Variants in RSPRY1 observed in about 807,000 individuals in gnomAD.
The protein encoded by RSPRY1 is RING finger and SPRY domain-containing protein 1.
In RSPRY1, 23 loss-of-function variants were observed where a neutral mutation model predicts 73.1. The observed-to-expected ratio is 0.31, with a 90% CI of 0.23 to 0.45. The LOEUF is 0.45. Ranked by LOEUF, RSPRY1 falls within the 20% of genes least tolerant of loss-of-function variation. The pLI, the probability that RSPRY1 is intolerant of heterozygous loss-of-function variation, is 1.00. For missense variants in RSPRY1, 448 were observed against 698.7 expected (o/e 0.64, Z 4.05); for synonymous variants, 226 against 251.4 (o/e 0.90, Z 0.95).
At chr16:57,210,975 G>A (rs2074831983) in intron 4 of RSPRY1, among the ~76,000 whole-genome samples, 2 of 152,104 alleles carry the variant, frequency 1.3e-5, no homozygotes, top group Admixed American at 1.3e-4. Context: ...ACAAGATGGC[G>A]TTATTGCACT....
At position 57,227,470 on chromosome 16, in the gene RSPRY1, T is replaced by A; in HGVS notation, c.1273+17T>A. 6.4e-7 allele frequency: 1 copy of A among 1,554,694 alleles called. No individual in the cohort carries two copies. Among genetic ancestry groups the A allele is most frequent in the Non-Finnish European group, 8.9e-7 (1 of 1,126,294 alleles). ...GGAAAGAAGGTATTCATTCCCTCCA[T>A]TATAAATTTATCAAGTGGGTTAAGA... On this transcript the variant is annotated intron_variant, in intron 11 of 14. Coordinates refer to ENST00000394420, the MANE Select transcript of RSPRY1 (RefSeq NM_133368.3).
In RSPRY1 at chr16:57,221,286, C is replaced by G; in HGVS notation, c.1032C>G (p.Ala344=). 4 of 1,613,960 alleles carry G rather than the reference C, an allele frequency of 2.5e-6. No homozygotes were observed. The South Asian group carries it at 3.3e-5, about 13-fold the overall frequency. ...GGTTTTGCCAGGCTCGCTGTGATGCCTCCTCTTTTGAAAGTGTGCGTTGCA... is the reference window on the plus strand; with the variant it reads ...GGTTTTGCCAGGCTCGCTGTGATGCGTCCTCTTTTGAAAGTGTGCGTTGCA... ...SPHGLEARCD[A]SSFESVRCTF... is the part of the protein sequence containing the mutation. Residue 344 remains alanine, a synonymous_variant, in exon 10 of 15, where the codon GCC becomes GCG. Transcript: ENST00000394420.
At chr16:57,237,480 G>A (rs1212286399) in intron 14 of RSPRY1, among the ~76,000 whole-genome samples, 4 of 151,978 alleles carry the variant, frequency 2.6e-5, no homozygotes, top group Non-Finnish European at 5.9e-5. Flanking sequence ...TACTCAAATA[G>A]GCCAGAGGCA....
chr16:57,213,407 G>T (rs1207524835), intron 5 of RSPRY1, among the ~76,000 whole-genome samples: 1 of 152,196 alleles, frequency 6.6e-6, no homozygotes, highest in East Asian at 1.9e-4. Flanking sequence ...ATATGTATGT[G>T]TGTATACAAT....
chr16:57,210,771 A>T (rs914356854), intron 4 of RSPRY1, among the ~76,000 whole-genome samples: 6 of 152,048 alleles, frequency 3.9e-5, no homozygotes, highest in Non-Finnish European at 8.8e-5. Context: ...TAATCTCAAC[A>T]CTTTGGGAGG....
At chr16:57,233,475 G>A (rs1295926283) in intron 13 of RSPRY1, among the ~76,000 whole-genome samples, 3 of 151,974 alleles carry the variant, frequency 2.0e-5, no homozygotes, top group Non-Finnish European at 2.9e-5. Flanking sequence ...AGGCTCAAGC[G>A]ATCCTCCCAC....
intron 4 of RSPRY1, among the ~76,000 whole-genome samples, chr16:57,209,444 A>G (rs567047741): frequency 6.6e-6 from 1 of 151,132 alleles, no homozygotes; most frequent in Admixed American, 6.6e-5. Flanking sequence ...GCTCACTGCA[A>G]CCTCCGCCTC....
chr16:57,213,813 A>G, intron 5 of RSPRY1, 75 bp from the exon 6 acceptor site: 1 of 1,113,206 alleles, frequency 9.0e-7, no homozygotes, highest in Non-Finnish European at 1.4e-6. Flanking sequence ...TTCTACCAAA[A>G]CAATTTGATT....
In RSPRY1 at chr16:57,212,637, C is replaced by T. The variant is rs145153514; in HGVS notation, c.517-335C>T. On this transcript the variant is annotated intron_variant, in intron 4 of 14. Coordinates refer to ENST00000394420, the MANE Select transcript of RSPRY1 (RefSeq NM_133368.3). ...TATAGCTCCCCCCACCCCCCTGAGA[C>T]GGAGCCTTGCTCTGTCGTCCAGGCT... 4.8e-3 allele frequency among the ~76,000 whole-genome samples: 724 copies of T among 152,056 alleles called. 7 individuals carry two copies. Among genetic ancestry groups the T allele is most frequent in the African/African-American group, 0.016 (670 of 41,492 alleles).
chr16:57,201,636 G>A (rs1302736662), intron 1 of RSPRY1, among the ~76,000 whole-genome samples: 37 of 152,344 alleles, frequency 2.4e-4, no homozygotes, highest in African/African-American at 7.2e-4. Context: ...GTATCGAGCC[G>A]AGATCACGCC....
chr16:57,213,186 A>G (rs758087510), intron 5 of RSPRY1, 88 bp downstream of exon 5: 132 of 1,257,708 alleles, frequency 1.0e-4, no homozygotes, highest in Non-Finnish European at 1.3e-4. Context: ...TCAAACTGCT[A>G]TACCAGAAAG....
chr16:57,236,874 C>T (rs1003181639), intron 14 of RSPRY1, among the ~76,000 whole-genome samples: 10 of 152,054 alleles, frequency 6.6e-5, no homozygotes, highest in African/African-American at 1.4e-4. Context: ...GGTACAATTA[C>T]AGAAATCTTA....
chr16:57,220,476 T>C (rs962051903), intron 8 of RSPRY1: 1 of 234,674 alleles, frequency 4.3e-6, no homozygotes, highest in African/African-American at 2.2e-5. Flanking sequence ...GAAATGCTAT[T>C]GATTTTTGTC....
intron 1 of RSPRY1, among the ~76,000 whole-genome samples, chr16:57,199,214 G>T (rs1196054206): frequency 2.0e-5 from 3 of 152,204 alleles, no homozygotes; most frequent in Non-Finnish European, 4.4e-5. Flanking sequence ...AGAAAAAGCG[G>T]CTGGGCGCGG....
intron 13 of RSPRY1, among the ~76,000 whole-genome samples, chr16:57,232,921 C>T (rs1287452314): frequency 1.3e-5 from 2 of 152,226 alleles, no homozygotes; most frequent in Non-Finnish European, 2.9e-5. Context: ...AGGAGCCTAA[C>T]TGAGTGGCCA....
intron 10 of RSPRY1, among the ~76,000 whole-genome samples, chr16:57,225,585 A>G (rs1359108662): frequency 1.3e-5 from 2 of 152,244 alleles, no homozygotes; most frequent in African/African-American, 4.8e-5. Flanking sequence ...GCAGGCCATC[A>G]GGACCTGATC....
chr16:57,230,820 A>C lies in RSPRY1; in HGVS notation c.1376+7A>C. 1 of 1,529,262 alleles carries C rather than the reference A, an allele frequency of 6.5e-7. No individual in the cohort carries two copies. The highest frequency in any genetic ancestry group is 9.0e-7 in the Non-Finnish European group (1 of 1,106,006). The allele number at this position is 1,529,262 out of a possible 1,614,324, so 94.7% of individuals were successfully genotyped here. A position where few individuals can be genotyped will look rare whatever the true frequency, so the allele number is the denominator to read the frequency against. ...AAGTCTTTTCATCTACTGTGTAAGT[A>C]GCTCTTCTCAGTCAAAAATTCGAGT... is the stretch of plus-strand genomic sequence containing the variant. On this transcript the variant is annotated splice_region_variant and intron_variant, in intron 12 of 14. Transcript: ENST00000394420.
intron 1 of RSPRY1, among the ~76,000 whole-genome samples, chr16:57,199,684 A>G (rs1567487364): frequency 6.6e-6 from 1 of 152,130 alleles, no homozygotes; most frequent in Non-Finnish European, 1.5e-5. Context: ...GTTTCTAGAT[A>G]AAGATTTTTT....
chr16:57,193,333 A>G (rs1469639689), intron 1 of RSPRY1, among the ~76,000 whole-genome samples: 2 of 152,226 alleles, frequency 1.3e-5, no homozygotes, highest in Non-Finnish European at 2.9e-5. Context: ...GAGTCTAAAG[A>G]CAGAAACACT....
Sources: allele counts gnomAD v4.1 joint callset (sites outside exome capture counted in the v4.1 genomes callset), GRCh38; gene constraint gnomAD v4.1.1; transcripts MANE v1.5; gene names NCBI Gene and HGNC (gene_info 2026-07-23, HGNC 2026-07-21).